HS3ST4: variants seen among roughly 807,000 people sequenced by gnomAD.
HS3ST4 encodes the protein heparan sulfate-glucosamine 3-sulfotransferase 4.
Under a neutral mutation model 29.2 loss-of-function variants are expected in HS3ST4, and 17 were observed. That is an observed-to-expected ratio of 0.58 (90% CI 0.40 to 0.87). HS3ST4 has a LOEUF of 0.87. Ranked by LOEUF, HS3ST4 falls within the 40% of genes least tolerant of loss-of-function variation. The probability of loss-of-function intolerance (pLI) is 0.00; values close to 1 mark genes in which losing one functional copy is unlikely to be tolerated. For synonymous variants in HS3ST4, 314 were observed against 285.7 expected (o/e 1.10, Z -1.00); for missense variants, 627 against 634.5 (o/e 0.99, Z 0.13).
chr16:25,772,765 C>T (rs1299088532), intron 1 of HS3ST4, among the ~76,000 whole-genome samples: 1 of 152,164 alleles, frequency 6.6e-6, no homozygotes, highest in Non-Finnish European at 1.5e-5. Flanking sequence ...TCACCATTCT[C>T]TTAGAGAGAG....
At chr16:26,099,667 A>G (rs1898969228) in intron 1 of HS3ST4, among the ~76,000 whole-genome samples, 1 of 152,216 alleles carries the variant, frequency 6.6e-6, no homozygotes, top group South Asian at 2.1e-4. Flanking sequence ...ACAAATATGT[A>G]CTGAGGGCCA....
chr16:25,873,646 ATCCATCCGTCCG>A lies in HS3ST4; in HGVS notation c.734+180503_734+180514del, dbSNP rs1265144789. Reference sequence around the variant, plus strand: ...TACCCACCCATCCATTCATCCATCCATCCATCCGTCCGTCCATCCATCCATCCATCCATCCAT... The same window carrying A: ...TACCCACCCATCCATTCATCCATCCATCCATCCATCCATCCATCCATCCAT... On this transcript the variant is annotated intron_variant, in intron 1 of 1. Coordinates refer to ENST00000331351, the MANE Select transcript of HS3ST4 (RefSeq NM_006040.3). Among the ~76,000 whole-genome samples the A allele has an allele frequency of 5.8e-3, 358 of 61,570 alleles. 4 individuals are homozygous for A. The highest frequency in any genetic ancestry group is 0.034 in the East Asian group (41 of 1,216). The allele number at this position is 61,570 out of a possible 152,430, so 40.4% of individuals were successfully genotyped here. A position where few individuals can be genotyped will look rare whatever the true frequency, so the allele number is the denominator to read the frequency against.
chr16:25,975,511 T>C (rs1287984928), intron 1 of HS3ST4, among the ~76,000 whole-genome samples: 1 of 152,150 alleles, frequency 6.6e-6, no homozygotes, highest in Non-Finnish European at 1.5e-5. Flanking sequence ...TGTCATTCTG[T>C]AATTTGAAAA....
At chr16:26,110,112 T>C (rs1312213319) in intron 1 of HS3ST4, among the ~76,000 whole-genome samples, 2 of 152,206 alleles carry the variant, frequency 1.3e-5, no homozygotes, top group African/African-American at 2.4e-5. Context: ...ATTCAGTTTT[T>C]TTTAGATTCT....
At chr16:26,132,505 GCAA>G (rs1899433810) in intron 1 of HS3ST4, among the ~76,000 whole-genome samples, 1 of 152,050 alleles carries the variant, frequency 6.6e-6, no homozygotes, top group African/African-American at 2.4e-5. Flanking sequence ...ATTTCCTTTT[GCAA>G]CAAGCAGTAA....
At chr16:25,929,919 C>G (rs551214875) in intron 1 of HS3ST4, among the ~76,000 whole-genome samples, 146 of 152,150 alleles carry the variant, frequency 9.6e-4, no homozygotes, top group Admixed American at 1.7e-3. Context: ...AGGCCAGTGC[C>G]CAACAGTTAT....
At chr16:26,047,607 C>T (rs1452809053) in intron 1 of HS3ST4, among the ~76,000 whole-genome samples, 1 of 152,152 alleles carries the variant, frequency 6.6e-6, no homozygotes, top group African/African-American at 2.4e-5. Context: ...CCAGGTCACA[C>T]AGCTAGTAAA....
chr16:25,762,695 T>G (rs1389445639), intron 1 of HS3ST4, among the ~76,000 whole-genome samples: 1 of 151,330 alleles, frequency 6.6e-6, no homozygotes, highest in East Asian at 1.9e-4. Flanking sequence ...GGAGAAACCC[T>G]GTCCCTACTA....
intron 1 of HS3ST4, among the ~76,000 whole-genome samples, chr16:26,059,167 T>G (rs972416008): frequency 1.3e-5 from 2 of 151,740 alleles, no homozygotes; most frequent in Admixed American, 1.3e-4. Context: ...GATGGCAGAG[T>G]GGAGGCGAGG....
At chr16:25,873,694 A>C (rs998209631) in intron 1 of HS3ST4, among the ~76,000 whole-genome samples, 15 of 149,610 alleles carry the variant, frequency 1.0e-4, no homozygotes, top group Admixed American at 4.0e-4. Context: ...CCATCCATCC[A>C]TCCATCCATC....
At chr16:25,857,336 TAAGAA>T (rs1967583279) in intron 1 of HS3ST4, among the ~76,000 whole-genome samples, 1 of 152,176 alleles carries the variant, frequency 6.6e-6, no homozygotes, top group Non-Finnish European at 1.5e-5. Context: ...CTGAAGGATC[TAAGAA>T]AAGACATTGA....
intron 1 of HS3ST4, among the ~76,000 whole-genome samples, chr16:25,800,424 C>T (rs1343080878): frequency 7.0e-6 from 1 of 143,356 alleles, no homozygotes; most frequent in African/African-American, 2.4e-5. Flanking sequence ...CTCTCCCTTC[C>T]CCCTACTTTC....
chr16:25,904,074 A>AATG (rs1968150429), intron 1 of HS3ST4, among the ~76,000 whole-genome samples: 1 of 150,842 alleles, frequency 6.6e-6, no homozygotes, highest in African/African-American at 2.5e-5. Context: ...CTGGATGAAT[A>AATG]GATGGATGGA....
chr16:26,127,128 A>G (rs1188547276), intron 1 of HS3ST4, among the ~76,000 whole-genome samples: 3 of 152,184 alleles, frequency 2.0e-5, no homozygotes, highest in Non-Finnish European at 4.4e-5. Context: ...ATCATAATCC[A>G]TAAATTGTTA....
intron 1 of HS3ST4, among the ~76,000 whole-genome samples, chr16:25,704,496 G>A (rs921863351): frequency 6.6e-6 from 1 of 152,100 alleles, no homozygotes; most frequent in African/African-American, 2.4e-5. Context: ...GTCTCGCTCT[G>A]TTGCCCAGCC....
intron 1 of HS3ST4, among the ~76,000 whole-genome samples, chr16:25,945,167 G>A (rs1287029556): frequency 6.6e-6 from 1 of 151,998 alleles, no homozygotes; most frequent in African/African-American, 2.4e-5. Flanking sequence ...CAAATATATG[G>A]CTGCAGAAAA....
intron 1 of HS3ST4, among the ~76,000 whole-genome samples, chr16:25,753,277 C>T (rs531653324): frequency 4.5e-4 from 69 of 152,282 alleles, no homozygotes; most frequent in African/African-American, 1.5e-3. Flanking sequence ...TCATTCATGA[C>T]GTTTGTCCAA....
intron 1 of HS3ST4, among the ~76,000 whole-genome samples, chr16:25,902,791 A>C (rs1968131751): frequency 1.3e-5 from 2 of 150,620 alleles, no homozygotes; most frequent in Non-Finnish European, 2.9e-5. Flanking sequence ...AAAAAACAGA[A>C]CAAAAAAAAC....
chr16:25,767,261 T>A (rs1966826387), intron 1 of HS3ST4, among the ~76,000 whole-genome samples: 4 of 152,220 alleles, frequency 2.6e-5, no homozygotes, highest in Admixed American at 2.6e-4. Context: ...AAGTCTCCCC[T>A]CACTCTGGGG....
Sources: gnomAD v4.1 joint callset for allele counts (sites outside exome capture counted in the v4.1 genomes callset) on GRCh38, gnomAD v4.1.1 for gene constraint, MANE v1.5 for transcripts, NCBI Gene and HGNC (gene_info 2026-07-23, HGNC 2026-07-21) for gene names.